LAMA4: variants seen among roughly 807,000 people sequenced by gnomAD.
LAMA4 encodes the protein laminin subunit alpha-4.
A neutral mutation model predicts 207.1 loss-of-function variants in LAMA4; 127 were observed. That is an observed-to-expected ratio of 0.61 (90% CI 0.53 to 0.71). LAMA4 has a LOEUF of 0.71. Among genes scored for constraint, LAMA4 ranks in the 30% least tolerant of loss-of-function variants. The pLI is 0.00. For missense variants in LAMA4, 2,093 were observed against 2,246.5 expected (o/e 0.93, Z 1.38); for synonymous variants, 761 against 816.0 (o/e 0.93, Z 1.15).
Position 112,233,205 on chromosome 6 carries a change from G to A in LAMA4, c.196-16736C>T, listed in dbSNP as rs551294030. ...TTCTTCAGAATTACACAACAGAATC[G>A]TATCAGAGCATACACATACCATGAG... On this transcript the variant is annotated intron_variant, in intron 2 of 38. Coordinates refer to ENST00000230538, the MANE Select transcript of LAMA4 (RefSeq NM_001105206.3). Among the ~76,000 whole-genome samples the A allele has an allele frequency of 3.9e-5, 6 of 152,236 alleles. No homozygotes were observed. The South Asian group carries it at 6.2e-4, about 16-fold the overall frequency.
At chr6:112,178,330 G>A (rs1782144510) in intron 9 of LAMA4, 98 bp from the exon 10 acceptor site, 9 of 826,982 alleles carry the variant, frequency 1.1e-5, no homozygotes, top group Non-Finnish European at 1.6e-5. Context: ...TTTCCTAAAC[G>A]TAAATCTTCC....
Position 112,140,849 on chromosome 6 carries a change from T to C in LAMA4, c.2887A>G (p.Lys963Glu), listed in dbSNP as rs1554332977. ...GAGTCATCTCCCGAAAATTCCCCCT[T>C]TTTAATGAACTTTTCCTCTGCTGTG... is the stretch of plus-strand genomic sequence containing the variant. Reference protein sequence around the residue: ...SSTAEEKFIKKGEFSGDDSLL... With the variant: ...SSTAEEKFIKEGEFSGDDSLL... Residue 963 changes from lysine (K) to glutamate (E), a missense_variant, in exon 22 of 39, where the codon AAG becomes GAG. Physicochemically the swap from Lys to Glu is moderately conservative, Grantham distance 56. This residue lies in a region of LAMA4 where 1,704 missense variants were observed against 1,788.4 expected (regional missense o/e 0.95). Coordinates refer to ENST00000230538, the MANE Select transcript of LAMA4 (RefSeq NM_001105206.3). 1 of 1,614,070 alleles carries C rather than the reference T, an allele frequency of 6.2e-7. No homozygotes were observed. The highest frequency in any genetic ancestry group is 1.3e-5 in the African/African-American group (1 of 75,044).
intron 17 of LAMA4, among the ~76,000 whole-genome samples, chr6:112,149,513 AGT>A (rs1286133834): frequency 6.6e-6 from 1 of 152,090 alleles, no homozygotes; most frequent in Non-Finnish European, 1.5e-5. Flanking sequence ...TGGTTTTATA[AGT>A]GTCTGGCATT....
intron 2 of LAMA4, among the ~76,000 whole-genome samples, chr6:112,240,196 T>C (rs1276502450): frequency 1.3e-5 from 2 of 152,376 alleles, no homozygotes; most frequent in South Asian, 2.1e-4. Context: ...TGACATACTC[T>C]GTCTAATCAT....
At chr6:112,204,312 TCTCAGTCCATAGGGA>T (rs2115013823) in intron 4 of LAMA4, among the ~76,000 whole-genome samples, 1 of 152,324 alleles carries the variant, frequency 6.6e-6, no homozygotes, top group African/African-American at 2.4e-5. Flanking sequence ...AGACAAGGCT[TCTCAGTCCATAGGGA>T]ATGATGTTCT....
At chr6:112,245,049 T>C (rs963471330) in intron 2 of LAMA4, among the ~76,000 whole-genome samples, 2 of 152,166 alleles carry the variant, frequency 1.3e-5, no homozygotes, top group African/African-American at 4.8e-5. Context: ...AATCTCCAAA[T>C]AGCAGGCATT....
rs1554188757 is a variant in LAMA4, at chr6:112,246,781, A to G, written c.195+7175T>C. 3.3e-5 allele frequency among the ~76,000 whole-genome samples: 5 copies of G among 152,250 alleles called. 1 individual carries two copies. In the South Asian group the frequency reaches 6.2e-4, roughly 19 times the overall value. On this transcript the variant is annotated intron_variant, in intron 2 of 38. Transcript: ENST00000230538. ...GTGATCCACCCATCTTGGCCTCCCAAAGTGTTGGGATTACAGGCGTGAGCC... is the reference window on the plus strand; with the variant it reads ...GTGATCCACCCATCTTGGCCTCCCAGAGTGTTGGGATTACAGGCGTGAGCC...
intron 3 of LAMA4, among the ~76,000 whole-genome samples, chr6:112,208,449 T>C (rs554046117): frequency 2.6e-4 from 39 of 152,274 alleles, no homozygotes; most frequent in African/African-American, 9.1e-4. Flanking sequence ...CTATTTCCCC[T>C]GCCACCCTCA....
intron 5 of LAMA4, among the ~76,000 whole-genome samples, chr6:112,199,190 GC>G (rs1783591423): frequency 6.6e-6 from 1 of 152,174 alleles, no homozygotes; most frequent in South Asian, 2.1e-4. Flanking sequence ...AGGTGGGCGT[GC>G]AGTCCTGCTG....
intron 2 of LAMA4, among the ~76,000 whole-genome samples, chr6:112,229,792 C>G (rs1554363898): frequency 6.6e-6 from 1 of 152,166 alleles, no homozygotes; most frequent in Non-Finnish European, 1.5e-5. Context: ...ACAACTTGAG[C>G]AAAATGACAT....
At position 112,141,001 on chromosome 6, in the gene LAMA4, C is replaced by A. The variant is rs1249408505; in HGVS notation, c.2814-79G>T. The A allele has an allele frequency of 2.4e-6, 3 of 1,265,814 alleles. No homozygotes were observed. The East Asian group carries it at 7.3e-5, about 31-fold the overall frequency. The allele number at this position is 1,265,814 out of a possible 1,614,324, so 78.4% of individuals were successfully genotyped here. A position where few individuals can be genotyped will look rare whatever the true frequency, so the allele number is the denominator to read the frequency against. ...TTTAAATGTCAAAATGTTAATGCTC[C>A]CTCATCACAAAATGGGTAATTTTGT... On this transcript the variant is annotated intron_variant, in intron 21 of 38. Coordinates refer to ENST00000230538, the MANE Select transcript of LAMA4 (RefSeq NM_001105206.3).
At chr6:112,210,395 T>A (rs531121568) in intron 3 of LAMA4, among the ~76,000 whole-genome samples, 1 of 152,326 alleles carries the variant, frequency 6.6e-6, no homozygotes, top group African/African-American at 2.4e-5. Flanking sequence ...ATTAGCATTC[T>A]GAACTTTTAG....
intron 2 of LAMA4, among the ~76,000 whole-genome samples, chr6:112,235,709 G>A (rs1160401416): frequency 2.0e-5 from 3 of 152,038 alleles, no homozygotes; most frequent in Admixed American, 6.5e-5. Flanking sequence ...TAAGATCAAG[G>A]ATGTTTTGTT....
intron 29 of LAMA4, among the ~76,000 whole-genome samples, chr6:112,130,722 T>A (rs1778988068): frequency 6.6e-6 from 1 of 152,106 alleles, no homozygotes; most frequent in African/African-American, 2.4e-5. Context: ...CTCAAGGAGA[T>A]TATAACCTAT....
chr6:112,125,825 A>C (rs1778657063), intron 31 of LAMA4, among the ~76,000 whole-genome samples: 1 of 152,248 alleles, frequency 6.6e-6, no homozygotes, highest in South Asian at 2.1e-4. Context: ...ATAGTAAGTG[A>C]ATAAAATGGG....
rs139915434 is a variant in LAMA4, at chr6:112,181,953, C to T, written c.1077+3284G>A. On this transcript the variant is annotated intron_variant, in intron 9 of 38. Coordinates refer to ENST00000230538, the MANE Select transcript of LAMA4 (RefSeq NM_001105206.3). ...CTCTACTAAAAATACAAAAAGTAGCCGGACGTGGTGGCACATGCCTGTAAT... is the reference window on the plus strand; with the variant it reads ...CTCTACTAAAAATACAAAAAGTAGCTGGACGTGGTGGCACATGCCTGTAAT... Among the ~76,000 whole-genome samples the T allele has an allele frequency of 2.8e-3, 428 of 152,110 alleles. 1 individual carries two copies. Among genetic ancestry groups the T allele is most frequent in the Admixed American group, 6.9e-3 (105 of 15,272 alleles).
intron 2 of LAMA4, among the ~76,000 whole-genome samples, chr6:112,250,721 C>T (rs1484990702): frequency 6.6e-6 from 1 of 152,174 alleles, no homozygotes; most frequent in Non-Finnish European, 1.5e-5. Flanking sequence ...TCTTTCCAGC[C>T]ACACAATGTA....
chr6:112,150,203 ACACAC>A, intron 17 of LAMA4, among the ~76,000 whole-genome samples: 2 of 25,056 alleles, frequency 8.0e-5, no homozygotes, highest in Admixed American at 8.9e-4. Flanking sequence ...CCATTAAAAG[ACACAC>A]ACACACACAC....
At chr6:112,123,769 C>T (rs1778516432) in intron 31 of LAMA4, among the ~76,000 whole-genome samples, 1 of 152,132 alleles carries the variant, frequency 6.6e-6, no homozygotes, top group Non-Finnish European at 1.5e-5. Context: ...AGCTCATAGA[C>T]TCTCATGTCC....
Sources: gnomAD v4.1 joint callset for allele counts (sites outside exome capture counted in the v4.1 genomes callset) on GRCh38, gnomAD v4.1.1 for gene constraint, gnomAD v4.1.1 regional missense constraint, MANE v1.5 for transcripts, NCBI Gene and HGNC (gene_info 2026-07-23, HGNC 2026-07-21) for gene names.